Variants in ST6GALNAC3 observed in about 807,000 individuals in gnomAD.
The protein encoded by ST6GALNAC3 is ST6 N-acetylgalactosaminide alpha-2,6-sialyltransferase 3, also known as alpha-N-acetylgalactosaminide alpha-2,6-sialyltransferase 3.
ST6GALNAC3 carries 25 observed loss-of-function variants against 32.7 expected under a neutral mutation model. The observed-to-expected ratio is 0.76, with a 90% CI of 0.56 to 1.07. ST6GALNAC3 has a LOEUF of 1.07. Ranked by LOEUF, ST6GALNAC3 falls within the 50% of genes least tolerant of loss-of-function variation. The pLI is 0.00. For missense variants in ST6GALNAC3, 355 were observed against 382.4 expected (o/e 0.93, Z 0.60); for synonymous variants, 129 against 133.1 (o/e 0.97, Z 0.21).
chr1:76,418,822 G>T (rs562272265), intron 3 of ST6GALNAC3, among the ~76,000 whole-genome samples: 1 of 151,754 alleles, frequency 6.6e-6, no homozygotes, highest in African/African-American at 2.4e-5. Context: ...GTGTTTTCAC[G>T]CTAACAAGCA....
intron 1 of ST6GALNAC3, among the ~76,000 whole-genome samples, chr1:76,271,828 A>C (rs1386505836): frequency 5.3e-5 from 8 of 152,294 alleles, no homozygotes; most frequent in Admixed American, 2.0e-4. Flanking sequence ...GTGGCAGTAG[A>C]GGTGGTGAGA....
chr1:76,276,466 T>G (rs1261987508), intron 1 of ST6GALNAC3, among the ~76,000 whole-genome samples: 1 of 152,198 alleles, frequency 6.6e-6, no homozygotes, highest in Non-Finnish European at 1.5e-5. Context: ...CCACATGATT[T>G]GTGAGATTCA....
intron 3 of ST6GALNAC3, among the ~76,000 whole-genome samples, chr1:76,415,603 C>T (rs990242516): frequency 6.6e-6 from 1 of 152,044 alleles, no homozygotes; most frequent in South Asian, 2.1e-4. Context: ...TTCAAATTGG[C>T]TTTGAGTCCT....
chr1:76,493,019 A>G (rs2101697897), intron 3 of ST6GALNAC3, among the ~76,000 whole-genome samples: 1 of 151,270 alleles, frequency 6.6e-6, no homozygotes, highest in East Asian at 1.9e-4. Flanking sequence ...TGAAACAAAG[A>G]GTTGACACCT....
intron 1 of ST6GALNAC3, among the ~76,000 whole-genome samples, chr1:76,133,292 G>C (rs1414987971): frequency 6.6e-6 from 1 of 152,184 alleles, no homozygotes; most frequent in African/African-American, 2.4e-5. Context: ...CTTTGGCATT[G>C]TTGGAAAATG....
At chr1:76,609,181 A>G (rs1004877750) in intron 3 of ST6GALNAC3, among the ~76,000 whole-genome samples, 4 of 152,076 alleles carry the variant, frequency 2.6e-5, no homozygotes, top group African/African-American at 9.7e-5. Flanking sequence ...TCTTTCCACT[A>G]TTTATAAACA....
At chr1:76,172,515 G>A (rs920563834) in intron 1 of ST6GALNAC3, among the ~76,000 whole-genome samples, 1 of 151,906 alleles carries the variant, frequency 6.6e-6, no homozygotes, top group South Asian at 2.1e-4. Context: ...AAGAAATAAA[G>A]GTATTCAAAT....
chr1:76,195,815 AG>A (rs1414794953), intron 1 of ST6GALNAC3, among the ~76,000 whole-genome samples: 1 of 152,244 alleles, frequency 6.6e-6, no homozygotes, highest in Admixed American at 6.5e-5. Context: ...AGTTCTATAA[AG>A]GAAGTCAGGA....
chr1:76,093,234 T>A (rs999350637), intron 1 of ST6GALNAC3, among the ~76,000 whole-genome samples: 3 of 152,202 alleles, frequency 2.0e-5, no homozygotes, highest in African/African-American at 7.2e-5. Context: ...AAAGAATACA[T>A]ATGAAAAGAA....
chr1:76,419,223 C>T (rs1466664982), intron 3 of ST6GALNAC3, among the ~76,000 whole-genome samples: 1 of 152,046 alleles, frequency 6.6e-6, no homozygotes, highest in Non-Finnish European at 1.5e-5. Flanking sequence ...AAGCAGTCTA[C>T]TGAGTGAAAT....
At chr1:76,309,022 T>A (rs973172879) in intron 1 of ST6GALNAC3, among the ~76,000 whole-genome samples, 1 of 152,180 alleles carries the variant, frequency 6.6e-6, no homozygotes, top group African/African-American at 2.4e-5. Flanking sequence ...CTGCCTGGAA[T>A]GCCCTTCACA....
At chr1:76,276,353 G>A (rs1022160279) in intron 1 of ST6GALNAC3, among the ~76,000 whole-genome samples, 2 of 151,970 alleles carry the variant, frequency 1.3e-5, no homozygotes, top group Non-Finnish European at 2.9e-5. Flanking sequence ...TACCCTTTAT[G>A]TATACAATCC....
At chr1:76,431,028 G>T (rs146567552) in intron 3 of ST6GALNAC3, among the ~76,000 whole-genome samples, 27 of 152,254 alleles carry the variant, frequency 1.8e-4, no homozygotes, top group African/African-American at 6.5e-4. Flanking sequence ...TTAGCTGAGA[G>T]TTTAAGGGAG....
chr1:76,505,955 G>GA (rs35260316), intron 3 of ST6GALNAC3, among the ~76,000 whole-genome samples: 4 of 150,618 alleles, frequency 2.7e-5, no homozygotes, highest in Admixed American at 6.6e-5. Flanking sequence ...TAACTGCAGA[G>GA]AAAAAAAAAG....
chr1:76,596,153 C>T (rs1409777565), intron 3 of ST6GALNAC3, among the ~76,000 whole-genome samples: 1 of 152,110 alleles, frequency 6.6e-6, no homozygotes, highest in Non-Finnish European at 1.5e-5. Flanking sequence ...TAACATGAAG[C>T]CTGGAAGACT....
At chr1:76,323,136 C>G (rs1285789720) in intron 2 of ST6GALNAC3, among the ~76,000 whole-genome samples, 1 of 152,074 alleles carries the variant, frequency 6.6e-6, no homozygotes, top group Non-Finnish European at 1.5e-5. Flanking sequence ...CCAAAGTATA[C>G]CTGGTTCAAA....
intron 1 of ST6GALNAC3, among the ~76,000 whole-genome samples, chr1:76,184,796 C>G (rs1425321910): frequency 6.6e-6 from 1 of 152,116 alleles, no homozygotes; most frequent in Non-Finnish European, 1.5e-5. Flanking sequence ...ATCTGTTTGT[C>G]TGGGTCAGTG....
chr1:76,182,321 C>T (rs530600292), intron 1 of ST6GALNAC3, among the ~76,000 whole-genome samples: 2 of 152,290 alleles, frequency 1.3e-5, no homozygotes, highest in African/African-American at 2.4e-5. Flanking sequence ...TAAGAAGTAA[C>T]AAGGCCATTT....
chr1:76,614,964 G>C (rs971506849), intron 3 of ST6GALNAC3, among the ~76,000 whole-genome samples: 1 of 151,894 alleles, frequency 6.6e-6, no homozygotes, highest in African/African-American at 2.4e-5. Context: ...TTGGTGGCTA[G>C]AATAACAAGA....
Sources: gnomAD v4.1 joint callset for allele counts (sites outside exome capture counted in the v4.1 genomes callset) on GRCh38, gnomAD v4.1.1 for gene constraint, MANE v1.5 for transcripts, NCBI Gene and HGNC (gene_info 2026-07-23, HGNC 2026-07-21) for gene names.